The following RPS5 variants were observed in gnomAD, a reference collection of about 807,000 sequenced individuals.
RPS5 encodes ribosomal protein S5, also known as small ribosomal subunit protein uS7.
A neutral mutation model predicts 20.9 loss-of-function variants in RPS5; 2 were observed. The ratio of observed to expected loss-of-function variants is 0.10; its 90% CI spans 0.04 to 0.30. RPS5 has a LOEUF of 0.30. Among genes scored for constraint, RPS5 ranks in the 10% least tolerant of loss-of-function variants. The pLI is 1.00. For missense variants in RPS5, 122 were observed against 287.2 expected, an observed-to-expected ratio of 0.42 and a Z score of 4.16; for synonymous variants, 112 against 105.8, an observed-to-expected ratio of 1.06 and a Z score of -0.36.
intron 2 of RPS5, 178 bp downstream of exon 2, chr19:58,388,423 T>C: frequency 1.7e-6 from 1 of 594,570 alleles, no homozygotes; most frequent in Non-Finnish European, 3.0e-6. Context: ...CAAAGATGAC[T>C]ACAACTTCTG....
At chr19:58,391,445 A>AAAAAAAC (rs2052363035) in intron 2 of RPS5, among the ~76,000 whole-genome samples, 3 of 149,852 alleles carry the variant, frequency 2.0e-5, no homozygotes, top group African/African-American at 7.5e-5. Flanking sequence ...AAAAAAAAAA[A>AAAAAAAC]AAAAAAACTG....
chr19:58,391,198 G>A (rs1462675984), intron 2 of RPS5, among the ~76,000 whole-genome samples: 1 of 152,080 alleles, frequency 6.6e-6, no homozygotes, highest in Non-Finnish European at 1.5e-5. Flanking sequence ...TTGGGAGACT[G>A]AGGCGGGCAG....
At chr19:58,390,644 C>G (rs2052357381) in intron 2 of RPS5, among the ~76,000 whole-genome samples, 1 of 152,054 alleles carries the variant, frequency 6.6e-6, no homozygotes, top group South Asian at 2.1e-4. Flanking sequence ...CCATGTTGGC[C>G]AGGCTGGCCT....
At chr19:58,387,889 T>C (rs906539571) in intron 1 of RPS5, 8 of 539,002 alleles carry the variant, frequency 1.5e-5, no homozygotes, top group African/African-American at 1.9e-5. Context: ...TTGGTCCCAG[T>C]GCAGCAGCTG....
At chr19:58,388,636 G>GT (rs3048304) in intron 2 of RPS5, 4,133 of 207,072 alleles carry the variant, frequency 0.02, 172 homozygotes, top group African/African-American at 0.055. Context: ...GCTGGCCGTA[G>GT]TTTTTTTTTT....
In RPS5 at chr19:58,393,360, A is replaced by G; in HGVS notation, c.320A>G (p.Asn107Ser). The change falls in exon 4 of 6, where the codon AAC (asparagine) becomes AGC (serine). Residue 107 changes from asparagine (N) to serine (S), a missense_variant and splice_region_variant. This residue lies in a region of RPS5 where 49 missense variants were observed against 64.9 expected (regional missense o/e 0.75). Transcript: ENST00000196551. ...GGCTCATATCCCCCTTCTCTCTAGAACCCTCTGCAGGTCCTGGTGAACGCC... is the reference window on the plus strand; with the variant it reads ...GGCTCATATCCCCCTTCTCTCTAGAGCCCTCTGCAGGTCCTGGTGAACGCC... ...FEIIHLLTGE[N>S]PLQVLVNAII... is the part of the protein sequence containing the mutation. 6.2e-7 allele frequency: 1 copy of G among 1,613,778 alleles called. No homozygotes were observed. The highest frequency in any genetic ancestry group is 8.5e-7 in the Non-Finnish European group (1 of 1,179,932).
At chr19:58,389,087 C>G (rs1310283462) in intron 2 of RPS5, among the ~76,000 whole-genome samples, 1 of 152,138 alleles carries the variant, frequency 6.6e-6, no homozygotes, top group Admixed American at 6.5e-5. Flanking sequence ...TTTACACATA[C>G]CCTTTTTTTC....
chr19:58,391,473 C>A (rs1014313268), intron 2 of RPS5, among the ~76,000 whole-genome samples: 1 of 147,606 alleles, frequency 6.8e-6, no homozygotes, highest in East Asian at 2.0e-4. Flanking sequence ...CATGGTGACG[C>A]ATGTCTGTAA....
rs76959221 is a variant in RPS5, at chr19:58,387,759, A to G, written c.-1-378A>G. The stretch of plus-strand genomic sequence containing the variant: ...ATATAACGGTCCCGCCTCACGGCCA[A>G]AGAAACAGTCCGAGACGGAACGTTG... On this transcript the variant is annotated intron_variant, in intron 1 of 5. Transcript: ENST00000196551. The G allele has an allele frequency of 2.5e-3, 642 of 255,332 alleles. 4 individuals carry two copies. Among genetic ancestry groups the G allele is most frequent in the African/African-American group, 0.013 (596 of 44,648 alleles). 15.8% of individuals were successfully genotyped at this position (255,332 alleles called of 1,614,324 possible).
intron 1 of RPS5, 138 bp from the exon 2 acceptor site, chr19:58,387,999 T>G (rs2052337730): frequency 3.2e-6 from 2 of 622,014 alleles, no homozygotes. Context: ...TGAAAACACG[T>G]TCACGGCCTT....
At chr19:58,394,390 G>C (rs1370466236) in intron 4 of RPS5, 107 bp from the exon 5 acceptor site, 3 of 856,430 alleles carry the variant, frequency 3.5e-6, no homozygotes, top group African/African-American at 3.3e-5. Context: ...TCTTGTCTCA[G>C]TGGGCCTATG....
chr19:58,394,473 G>A (rs755184048), intron 4 of RPS5, 24 bp from the exon 5 acceptor site: 1 of 1,609,348 alleles, frequency 6.2e-7, no homozygotes, highest in South Asian at 1.1e-5. Flanking sequence ...TGTCCTTCTA[G>A]CCTGACCCCT....
chr19:58,389,462 C>CT (rs1435266523), intron 2 of RPS5, among the ~76,000 whole-genome samples: 4 of 152,054 alleles, frequency 2.6e-5, no homozygotes, highest in Non-Finnish European at 5.9e-5. Flanking sequence ...AGAATGAAAA[C>CT]TTTTTTGTTG....
At chr19:58,391,411 A>G in intron 2 of RPS5, among the ~76,000 whole-genome samples, 1 of 143,812 alleles carries the variant, frequency 7.0e-6, no homozygotes, top group African/African-American at 2.7e-5. Flanking sequence ...CAGCCTGGCC[A>G]ACAAGAGCGA....
chr19:58,390,050 G>A (rs1253015229), intron 2 of RPS5, among the ~76,000 whole-genome samples: 4 of 151,236 alleles, frequency 2.6e-5, no homozygotes, highest in African/African-American at 7.3e-5. Flanking sequence ...ACATGCCACC[G>A]CACCCAGCTA....
At chr19:58,388,405 G>A (rs563701800) in intron 2 of RPS5, 160 bp downstream of exon 2, 7 of 619,060 alleles carry the variant, frequency 1.1e-5, no homozygotes, top group East Asian at 2.8e-5. Context: ...CTGCTCTTAC[G>A]TCCTGTTCAA....
intron 2 of RPS5, among the ~76,000 whole-genome samples, chr19:58,392,322 A>AAG (rs1485841905): frequency 1.7e-4 from 26 of 151,184 alleles, no homozygotes; most frequent in Admixed American, 5.9e-4. Context: ...ACTCAGCCTC[A>AAG]AGGGGGGGAA....
rs368258878 is a variant in RPS5, at chr19:58,393,339, C to G, written c.319-20C>G. ...AATGCATGGGGCTGGATGTCAGGCT[C>G]ATATCCCCCTTCTCTCTAGAACCCT... is the stretch of plus-strand genomic sequence containing the variant. On this transcript the variant is annotated intron_variant, in intron 3 of 5. Transcript: ENST00000196551. The G allele has an allele frequency of 3.3e-5, 54 of 1,612,786 alleles. No individual in the cohort carries two copies. Among genetic ancestry groups the G allele is most frequent in the Non-Finnish European group, 4.1e-5 (48 of 1,179,070 alleles).
chr19:58,388,495 G>A (rs1159621619), intron 2 of RPS5: 1 of 540,678 alleles, frequency 1.8e-6, no homozygotes, highest in African/African-American at 1.9e-5. Flanking sequence ...TTTTGTTACT[G>A]TTTTTGTAGT....
Sources: gnomAD v4.1 joint callset for allele counts (sites outside exome capture counted in the v4.1 genomes callset) on GRCh38, gnomAD v4.1.1 for gene constraint, gnomAD v4.1.1 regional missense constraint, MANE v1.5 for transcripts, NCBI Gene and HGNC (gene_info 2026-07-23, HGNC 2026-07-21) for gene names.